MFSD11: variants seen among roughly 807,000 people sequenced by gnomAD.
MFSD11 encodes major facilitator superfamily domain containing 11.
Under a neutral mutation model 53.5 loss-of-function variants are expected in MFSD11, and 36 were observed. The observed-to-expected ratio is 0.67, with a 90% confidence interval of 0.52 to 0.89. MFSD11 has a LOEUF of 0.89. Ranked by LOEUF, MFSD11 falls within the 40% of genes least tolerant of loss-of-function variation. The probability of loss-of-function intolerance (pLI) is 0.00; values close to 1 mark genes in which losing one functional copy is unlikely to be tolerated. For synonymous variants in MFSD11, 186 were observed against 184.9 expected (o/e 1.01, Z -0.05); for missense variants, 530 against 543.9 (o/e 0.97, Z 0.25).
At chr17:76,782,999 A>G (rs1021421955), downstream of MFSD11, among the ~76,000 whole-genome samples, 1 of 151,888 alleles carries the variant, frequency 6.6e-6, no homozygotes, top group Non-Finnish European at 1.5e-5. Context: ...CAATATGGTG[A>G]AACCCCATCT....
At chr17:76,773,765 G>C (rs372208116) in intron 10 of MFSD11, among the ~76,000 whole-genome samples, 2 of 150,766 alleles carry the variant, frequency 1.3e-5, no homozygotes, top group East Asian at 3.9e-4. Flanking sequence ...ACGCCACCAC[G>C]CCCAGCTAAT....
chr17:76,776,605 T>C lies in MFSD11; in HGVS notation c.1185+64T>C. 6.8e-7 allele frequency: 1 copy of C among 1,460,904 alleles called. No homozygotes were observed. The highest frequency in any genetic ancestry group is 9.2e-7 in the Non-Finnish European group (1 of 1,087,248). The allele number at this position is 1,460,904 out of a possible 1,614,324, so 90.5% of individuals were successfully genotyped here. A position where few individuals can be genotyped will look rare whatever the true frequency, so the allele number is the denominator to read the frequency against. ...TCTTCCCTTTGTGTATTGCCTTGTT[T>C]TCCTTGGTTACTTGTATTGTGGTTT... On this transcript the variant is annotated intron_variant, in intron 12 of 12. Transcript: ENST00000685175. The surrounding 1 kb of genome is among the most constrained non-coding windows in gnomAD (Gnocchi z 4.2).
At chr17:76,740,920 T>C in intron 2 of MFSD11, 37 bp from the exon 3 acceptor site, 2 of 1,031,808 alleles carry the variant, frequency 1.9e-6, no homozygotes, top group Non-Finnish European at 2.8e-6. Flanking sequence ...CTTTGTTCTT[T>C]TTTTTTTTTT....
intron 7 of MFSD11, chr17:76,752,977 A>G (rs2079192118): frequency 6.6e-6 from 1 of 152,120 alleles, no homozygotes. Context: ...GCCCCTGCGC[A>G]AGGATGACAT....
At chr17:76,790,679 C>T in the MFSD11 span, among the ~76,000 whole-genome samples, 14 of 143,826 alleles carry the variant, frequency 9.7e-5, no homozygotes, top group East Asian at 2.7e-3. Flanking sequence ...CTAACTCGGC[C>T]GGGCGTGGTG....
At chr17:76,803,331 G>A in the MFSD11 span, among the ~76,000 whole-genome samples, 2 of 152,258 alleles carry the variant, frequency 1.3e-5, no homozygotes, top group African/African-American at 4.8e-5. Context: ...AACTAACTTT[G>A]GAAGGAACTT....
At chr17:76,793,321 G>A in the MFSD11 span, among the ~76,000 whole-genome samples, 11 of 151,496 alleles carry the variant, frequency 7.3e-5, 1 homozygote, top group South Asian at 2.1e-4. Context: ...CCTCAGGGCC[G>A]CATTCTCTTT....
Position 76,744,451 on chromosome 17 carries a change from A to T in MFSD11, c.626A>T (p.Asp209Val). The T allele has an allele frequency of 1.2e-6, 2 of 1,607,774 alleles. No individual in the cohort carries two copies. Among genetic ancestry groups the T allele is most frequent in the Non-Finnish European group, 1.7e-6 (2 of 1,178,394 alleles). The part of the protein sequence containing the change: ...LGEDESSDDQ[D>V]MEVNESAQNN... The stretch of plus-strand genomic sequence containing the variant: ...GAAGATGAGTCTTCTGATGACCAGG[A>T]CATGGAAGTCAACGAGTAAGATGTT... The change falls in exon 7 of 13, where the codon GAC (aspartate) becomes GTC (valine). Residue 209 changes from aspartate to valine, a missense_variant. Coordinates refer to ENST00000685175, the MANE Select transcript of MFSD11 (RefSeq NM_001242532.5).
At chr17:76,739,123 TGA>T in intron 2 of MFSD11, 130 bp downstream of exon 2, 1 of 701,498 alleles carries the variant, frequency 1.4e-6, no homozygotes, top group Non-Finnish European at 2.5e-6. Flanking sequence ...GTGCCTAGAC[TGA>T]GAGAACATAA....
Position 76,769,799 on chromosome 17 carries a change from A to G in MFSD11, c.802A>G (p.Asn268Asp). The change falls in exon 10 of 13, where the codon AAT (asparagine) becomes GAT (aspartate). Residue 268 changes from asparagine to aspartate, a missense_variant. Transcript: ENST00000685175. ...ATATGGAACCTGTATTGGTGCTACA[A>G]ATAAATTTGGAGCAGAAGAGAAAAG... ...GVYGTCIGAT[N>D]KFGAEEKSLI... 2 of 1,613,196 alleles carry G rather than the reference A, an allele frequency of 1.2e-6. No individual in the cohort carries two copies. The highest frequency in any genetic ancestry group is 1.1e-5 in the South Asian group (1 of 90,866).
the MFSD11 span, among the ~76,000 whole-genome samples, chr17:76,795,012 A>G: frequency 6.6e-6 from 1 of 151,890 alleles, no homozygotes; most frequent in Non-Finnish European, 1.5e-5. Flanking sequence ...ACTCTTAACC[A>G]CAGTCAGTCC....
intron 7 of MFSD11, among the ~76,000 whole-genome samples, chr17:76,753,804 G>A (rs80142068): frequency 1.2e-4 from 19 of 152,132 alleles, no homozygotes; most frequent in African/African-American, 4.6e-4. Flanking sequence ...TACAATAAGT[G>A]TAATCTGAAA....
chr17:76,793,796 C>T, the MFSD11 span, among the ~76,000 whole-genome samples: 1 of 151,618 alleles, frequency 6.6e-6, no homozygotes, highest in Non-Finnish European at 1.5e-5. Flanking sequence ...TGTTCTTCTG[C>T]CATGGCTTCA....
chr17:76,742,596 G>T (rs1299759848), intron 5 of MFSD11, among the ~76,000 whole-genome samples: 1 of 151,826 alleles, frequency 6.6e-6, no homozygotes, highest in Admixed American at 6.6e-5. Flanking sequence ...TCTGCCTCCT[G>T]GATTCAAGCA....
rs554883296 is a variant in MFSD11 at position 76,768,414 on chromosome 17, T to C, written c.748+963T>C. 7.9e-4 allele frequency among the ~76,000 whole-genome samples: 121 copies of C among 152,294 alleles called. No individual in the cohort carries two copies. In the South Asian group the frequency reaches 0.013, roughly 16 times the overall value. ...TCAAGAATGATAAAGAAATTTGTTT[T>C]CTTTTAAAAAATGCTGTAATTTGCT... On this transcript the variant is annotated intron_variant, in intron 9 of 12. Transcript: ENST00000685175.
intron 6 of MFSD11, 105 bp downstream of exon 6, chr17:76,743,561 C>A: frequency 1.6e-6 from 1 of 623,044 alleles, no homozygotes; most frequent in Non-Finnish European, 2.6e-6. Context: ...TCATGAACCC[C>A]GACACCTCAA....
At chr17:76,788,360 ATTTTGTTG>A in the MFSD11 span, among the ~76,000 whole-genome samples, 3 of 147,806 alleles carry the variant, frequency 2.0e-5, no homozygotes, top group African/African-American at 7.5e-5. Flanking sequence ...ATATGTATAT[ATTTTGTTG>A]TTTTGTTGTT....
upstream of MFSD11, chr17:76,737,539 A>C: frequency 3.6e-6 from 1 of 274,968 alleles, no homozygotes; most frequent in East Asian, 5.8e-5. Flanking sequence ...GGGGGAGCGG[A>C]ATTAGCGGGC....
chr17:76,744,457 A>T lies in MFSD11; in HGVS notation c.632A>T (p.Glu211Val), dbSNP rs1168863541. 1 of 1,608,796 alleles carries T rather than the reference A, an allele frequency of 6.2e-7. No individual in the cohort carries two copies. Among genetic ancestry groups the T allele is most frequent in the Non-Finnish European group, 8.5e-7 (1 of 1,178,624 alleles). Residue 211 changes from glutamate (E) to valine (V), a missense_variant, in exon 7 of 13, where the codon GAA becomes GTA. Coordinates refer to ENST00000685175, the MANE Select transcript of MFSD11 (RefSeq NM_001242532.5). ...GAGTCTTCTGATGACCAGGACATGG[A>T]AGTCAACGAGTAAGATGTTGGAAAC... is the stretch of plus-strand genomic sequence containing the variant. The part of the protein sequence containing the change: ...EDESSDDQDM[E>V]VNESAQNNLT...
Sources: gnomAD v4.1 joint callset for allele counts (sites outside exome capture counted in the v4.1 genomes callset) on GRCh38, gnomAD v4.1.1 for gene constraint, Gnocchi (gnomAD v3.1) non-coding constraint, MANE v1.5 for transcripts, NCBI Gene and HGNC (gene_info 2026-07-23, HGNC 2026-07-21) for gene names.